Variants in CTNNBL1 observed in about 807,000 individuals in gnomAD.
CTNNBL1 encodes catenin beta like 1, also known as beta-catenin-like protein 1.
In CTNNBL1, 31 loss-of-function variants were observed where a neutral mutation model predicts 72.7. The observed-to-expected ratio is 0.43, with a 90% CI of 0.32 to 0.58. The LOEUF is 0.58. CTNNBL1 is among the 20% of genes least tolerant of loss of function. The probability of loss-of-function intolerance (pLI) is 0.08; values close to 1 mark genes in which losing one functional copy is unlikely to be tolerated. For missense variants in CTNNBL1, 534 were observed against 725.1 expected (o/e 0.74, Z 3.03); for synonymous variants, 240 against 267.3 (o/e 0.90, Z 1.00).
chr20:37,828,728 G>A lies in CTNNBL1; in HGVS notation c.1214-11374G>A, dbSNP rs1323249811. Among the ~76,000 whole-genome samples the A allele has an allele frequency of 3.3e-5, 5 of 152,186 alleles. 1 individual carries two copies. The highest frequency in any genetic ancestry group is 7.3e-5 in the Non-Finnish European group (5 of 68,046). The stretch of plus-strand genomic sequence containing the variant: ...GTGTTTGTGAAGAATAGGGATGTAT[G>A]TACCCCGTGTATGTGTAAAAGGGGC... On this transcript the variant is annotated intron_variant, in intron 11 of 15. Coordinates refer to ENST00000361383, the MANE Select transcript of CTNNBL1 (RefSeq NM_030877.5).
intron 3 of CTNNBL1, 49 bp downstream of exon 3, chr20:37,737,533 G>A: frequency 7.6e-7 from 1 of 1,311,094 alleles, no homozygotes; most frequent in Non-Finnish European, 1.1e-6. Context: ...GCGTTTCGTT[G>A]GCTAATTTTG....
At chr20:37,705,644 T>C (rs930549612) in intron 1 of CTNNBL1, among the ~76,000 whole-genome samples, 1 of 152,206 alleles carries the variant, frequency 6.6e-6, no homozygotes, top group African/African-American at 2.4e-5. Flanking sequence ...AAGAATTATG[T>C]CATCACCATA....
intron 11 of CTNNBL1, among the ~76,000 whole-genome samples, chr20:37,820,284 AAATAACAT>A (rs1422033894): frequency 6.6e-6 from 1 of 152,180 alleles, no homozygotes; most frequent in Non-Finnish European, 1.5e-5. Context: ...CATCAGTTAG[AAATAACAT>A]AATAACATAA....
chr20:37,726,216 G>A (rs1231701253), intron 1 of CTNNBL1, among the ~76,000 whole-genome samples: 1 of 152,156 alleles, frequency 6.6e-6, no homozygotes, highest in African/African-American at 2.4e-5. Flanking sequence ...AACAGGTTAG[G>A]AATCATTAAC....
At chr20:37,767,764 C>T (rs1311472018) in intron 6 of CTNNBL1, among the ~76,000 whole-genome samples, 189 bp from the exon 7 acceptor site, 1 of 152,138 alleles carries the variant, frequency 6.6e-6, no homozygotes, top group Non-Finnish European at 1.5e-5. Flanking sequence ...ATGAGTTTTA[C>T]CTGTAGCATA....
chr20:37,783,460 T>C (rs774787894), intron 10 of CTNNBL1, among the ~76,000 whole-genome samples: 1 of 152,166 alleles, frequency 6.6e-6, no homozygotes, highest in Non-Finnish European at 1.5e-5. Context: ...TTAGGTTGTG[T>C]ATTTGAAGTT....
At chr20:37,769,162 T>G (rs2073500164) in intron 7 of CTNNBL1, among the ~76,000 whole-genome samples, 1 of 152,210 alleles carries the variant, frequency 6.6e-6, no homozygotes, top group Non-Finnish European at 1.5e-5. Flanking sequence ...AGGCATCCAC[T>G]GGGGGCCTTG....
In CTNNBL1 at chr20:37,761,340, AAATT is replaced by A. The variant is rs149731290; in HGVS notation, c.564+3687_564+3690del. On this transcript the variant is annotated intron_variant, in intron 5 of 15. Transcript: ENST00000361383. ...TACCCTCCATACTCATTCCTGCACT[AAATT>A]AACTCTACTGAAATGTTAAACTTTG... Among the ~76,000 whole-genome samples, 137 of 152,328 alleles carry A rather than the reference AAATT, an allele frequency of 9.0e-4. 1 individual carries two copies. The East Asian group carries it at 0.023, about 26-fold the overall frequency.
chr20:37,802,858 T>C lies in CTNNBL1; in HGVS notation c.1032-9T>C, dbSNP rs1393635439. 2 of 1,604,890 alleles carry C rather than the reference T, an allele frequency of 1.2e-6. No homozygotes were observed. Among genetic ancestry groups the C allele is most frequent in the East Asian group, 4.5e-5 (2 of 44,766 alleles). On this transcript the variant is annotated splice_polypyrimidine_tract_variant and intron_variant, in intron 10 of 15. Coordinates refer to ENST00000361383, the MANE Select transcript of CTNNBL1 (RefSeq NM_030877.5). ...GAAATACCTTATCTGAAACCTCTTT[T>C]GTTCACAGGGAAAAGAAGATCTCCC...
At chr20:37,863,498 A>G (rs1036646433) in intron 15 of CTNNBL1, among the ~76,000 whole-genome samples, 1 of 152,198 alleles carries the variant, frequency 6.6e-6, no homozygotes, top group Admixed American at 6.5e-5. Context: ...GGAGGGAGCC[A>G]CTTCTCCTCC....
intron 1 of CTNNBL1, among the ~76,000 whole-genome samples, chr20:37,708,012 C>T (rs978673717): frequency 2.0e-5 from 3 of 152,060 alleles, no homozygotes; most frequent in East Asian, 1.9e-4. Context: ...CGCTGTCTCA[C>T]GTGGGCGTGT....
At chr20:37,750,945 A>C (rs994687375) in intron 4 of CTNNBL1, 7 of 152,232 alleles carry the variant, frequency 4.6e-5, no homozygotes, top group African/African-American at 1.7e-4. Context: ...GGTGTGGGTC[A>C]TCTCTGGCTT....
chr20:37,832,941 G>A (rs980303903), intron 11 of CTNNBL1, among the ~76,000 whole-genome samples: 8 of 152,112 alleles, frequency 5.3e-5, no homozygotes, highest in African/African-American at 1.4e-4. Flanking sequence ...TAGATCAAGC[G>A]TTCTTAACTA....
At chr20:37,852,714 C>T (rs975949292) in intron 13 of CTNNBL1, among the ~76,000 whole-genome samples, 3 of 152,186 alleles carry the variant, frequency 2.0e-5, no homozygotes, top group Non-Finnish European at 4.4e-5. Context: ...CTAGTGATTT[C>T]AGGGCTGTTT....
At chr20:37,780,189 G>C (rs1008556304) in intron 10 of CTNNBL1, among the ~76,000 whole-genome samples, 3 of 151,636 alleles carry the variant, frequency 2.0e-5, no homozygotes, top group African/African-American at 4.8e-5. Context: ...AATGGAGCCA[G>C]AGTCTGCTGT....
chr20:37,823,096 A>G (rs1208201204), intron 11 of CTNNBL1, among the ~76,000 whole-genome samples: 1 of 152,236 alleles, frequency 6.6e-6, no homozygotes, highest in Non-Finnish European at 1.5e-5. Context: ...CACAAATGCC[A>G]TATGTTCTTT....
Position 37,736,473 on chromosome 20 carries a change from A to G in CTNNBL1, c.220-905A>G, listed in dbSNP as rs150928811. Among the ~76,000 whole-genome samples, 3 of 152,274 alleles carry G rather than the reference A, an allele frequency of 2.0e-5. No homozygotes were observed. In the East Asian group the frequency reaches 5.8e-4, roughly 29 times the overall value. On this transcript the variant is annotated intron_variant, in intron 2 of 15. Coordinates refer to ENST00000361383, the MANE Select transcript of CTNNBL1 (RefSeq NM_030877.5). The stretch of plus-strand genomic sequence containing the variant: ...GGTAAATGTATAATAATATTATCTA[A>G]TATTGTTGCTTACTCTCTGCCATAC...
chr20:37,806,814 G>A (rs1360267488), intron 11 of CTNNBL1, among the ~76,000 whole-genome samples: 1 of 152,196 alleles, frequency 6.6e-6, no homozygotes, highest in Admixed American at 6.5e-5. Flanking sequence ...ATCAGAGTTA[G>A]GAGGGGTCTG....
intron 13 of CTNNBL1, among the ~76,000 whole-genome samples, chr20:37,844,318 A>T (rs561592185): frequency 6.6e-6 from 1 of 152,272 alleles, no homozygotes; most frequent in African/African-American, 2.4e-5. Context: ...TGCCTCATGT[A>T]GCCTCAGTTT....
Sources: gnomAD v4.1 joint callset for allele counts (sites outside exome capture counted in the v4.1 genomes callset) on GRCh38, gnomAD v4.1.1 for gene constraint, MANE v1.5 for transcripts, NCBI Gene and HGNC (gene_info 2026-07-23, HGNC 2026-07-21) for gene names.